The following SPTBN2 variants were observed in gnomAD, a reference collection of about 807,000 sequenced individuals.
SPTBN2 encodes spectrin beta, non-erythrocytic 2, also known as spectrin beta chain, non-erythrocytic 2.
A neutral mutation model predicts 284.2 loss-of-function variants in SPTBN2; 107 were observed. The ratio of observed to expected loss-of-function variants is 0.38; its 90% CI spans 0.32 to 0.44. The LOEUF (loss-of-function observed/expected upper bound fraction) is 0.44. SPTBN2 is among the 20% of genes least tolerant of loss of function. The probability of loss-of-function intolerance (pLI) is 1.00; values close to 1 mark genes in which losing one functional copy is unlikely to be tolerated. For missense variants in SPTBN2, 2,569 were observed against 3,287.1 expected, an observed-to-expected ratio of 0.78 and a Z score of 5.34; for synonymous variants, 1,289 against 1,354.8, an observed-to-expected ratio of 0.95 and a Z score of 1.07.
rs184043175 is a variant in SPTBN2 at position 66,707,464 on chromosome 11, G to A, written c.1653+52C>T. 9,069 of 1,547,748 alleles carry A rather than the reference G, an allele frequency of 5.9e-3. 34 individuals carry two copies. The highest frequency in any genetic ancestry group is 0.012 in the South Asian group (1,024 of 84,338). On this transcript the variant is annotated intron_variant, in intron 13 of 37. Transcript: ENST00000533211. This position sits in a 1 kb window ranked among gnomAD's most constrained non-coding sequence, Gnocchi z 4.9. ...GACGGGCGGACGCACCCACTGTGGG[G>A]CCCCCTCGACTCTTGATCACTCTTA...
Position 66,700,826 on chromosome 11 carries a change from T to C in SPTBN2, c.3273A>G (p.Glu1091=), listed in dbSNP as rs777987147. The change falls in exon 17 of 38, where the codon GAA becomes GAG. Residue 1091 remains glutamate, a synonymous_variant. Coordinates refer to ENST00000533211, the MANE Select transcript of SPTBN2 (RefSeq NM_006946.4). The surrounding 1 kb of genome is among the most constrained non-coding windows in gnomAD (Gnocchi z 6.6). The part of the protein sequence containing the change: ...LGRTQTAVAS[E]EGPATLPEAE... ...CCTCAGGCAGGGTGGCCGGCCCTTC[T>C]TCAGAGGCCACAGCAGTCTGAGTGC... 1 of 1,600,402 alleles carries C rather than the reference T, an allele frequency of 6.2e-7. No individual in the cohort carries two copies.
At chr11:66,698,072 G>A (rs1375695281) in intron 20 of SPTBN2, among the ~76,000 whole-genome samples, 1 of 152,162 alleles carries the variant, frequency 6.6e-6, no homozygotes, top group Admixed American at 6.5e-5. Flanking sequence ...GACTCTTGAG[G>A]AACAGCTGGG....
chr11:66,715,530 G>A lies in SPTBN2; in HGVS notation c.310-135C>T. ...ACAGACAGGCACAGCCCCAGGGCTG[G>A]AGCCAAAGCTGAGCTTACAGATGAG... is the stretch of plus-strand genomic sequence containing the variant. On this transcript the variant is annotated intron_variant, in intron 4 of 37. Transcript: ENST00000533211. This position sits in a 1 kb window ranked among gnomAD's most constrained non-coding sequence, Gnocchi z 5.3. 1.6e-6 allele frequency: 2 copies of A among 1,248,968 alleles called. No individual in the cohort carries two copies. The highest frequency in any genetic ancestry group is 2.2e-6 in the Non-Finnish European group (2 of 909,114). 77.4% of individuals were successfully genotyped at this position (1,248,968 alleles called of 1,614,324 possible). A position where few individuals can be genotyped will look rare whatever the true frequency, so the allele number is the denominator to read the frequency against.
intron 20 of SPTBN2, among the ~76,000 whole-genome samples, chr11:66,697,215 G>A (rs1315649473): frequency 6.6e-6 from 1 of 152,120 alleles, no homozygotes; most frequent in Non-Finnish European, 1.5e-5. Flanking sequence ...CATGACTTCT[G>A]TCCCTTCTCA....
rs923372041 is a variant in SPTBN2, at chr11:66,713,741, T to C, written c.662A>G (p.Asp221Gly). 1 of 1,613,380 alleles carries C rather than the reference T, an allele frequency of 6.2e-7. No homozygotes were observed. Among genetic ancestry groups the C allele is most frequent in the Non-Finnish European group, 8.5e-7 (1 of 1,179,398 alleles). ...CTTCAGAGACTCAAAATCCAGCAGG[T>C]CTGGCCTGGGTGGGGAGGCAAGACA... ...FNAIVHKHRP[D>G]LLDFESLKKC... The change falls in exon 8 of 38, where the codon GAC becomes GGC. Residue 221 changes from aspartate (D) to glycine (G), a missense_variant. Physicochemically the swap from Asp to Gly is moderately conservative, Grantham distance 94 (BLOSUM62 -1). This residue lies in a region of SPTBN2 where 304 missense variants were observed against 522.1 expected (regional missense o/e 0.58). Coordinates refer to ENST00000533211, the MANE Select transcript of SPTBN2 (RefSeq NM_006946.4).
At chr11:66,722,575 C>CAAAAAAAAAAAAAAAAAA (rs35183530) in intron 1 of SPTBN2, among the ~76,000 whole-genome samples, 1 of 50,984 alleles carries the variant, frequency 2.0e-5, no homozygotes, top group Non-Finnish European at 3.5e-5. Flanking sequence ...GACTCTGTCT[C>CAAAAAAAAAAAAAAAAAA]AAAAAAAAAA....
chr11:66,739,910 T>C (rs1219100194), intron 1 of SPTBN2, among the ~76,000 whole-genome samples: 2 of 152,124 alleles, frequency 1.3e-5, no homozygotes, highest in African/African-American at 4.8e-5. Flanking sequence ...TGCATGCCTG[T>C]AATCCCAGCT....
rs1474518395 is a variant in SPTBN2, at chr11:66,707,656, G to T, written c.1513C>A (p.Arg505=). ...RYHDIKRIAA[R]QHNVARLWDF... is the part of the protein sequence containing the mutation. Reference sequence around the variant, plus strand: ...CAGAGCCGTGCCACGTTGTGCTGCCGAGCGGCGATGCGCTTGATGTCGTGG... The same window carrying T: ...CAGAGCCGTGCCACGTTGTGCTGCCTAGCGGCGATGCGCTTGATGTCGTGG... Residue 505 remains arginine, a synonymous_variant, in exon 13 of 38, where the codon CGG becomes AGG. Transcript: ENST00000533211. This position sits in a 1 kb window ranked among gnomAD's most constrained non-coding sequence, Gnocchi z 4.9. The T allele has an allele frequency of 6.2e-7, 1 of 1,608,034 alleles. No homozygotes were observed. The highest frequency in any genetic ancestry group is 2.2e-5 in the East Asian group (1 of 44,876).
Position 66,693,802 on chromosome 11 carries a change from G to A in SPTBN2, c.4563C>T (p.Pro1521=), listed in dbSNP as rs769947859. ...TTTTCTTCATGAGAAGCTGGACGCT[G>A]GGCAGGTCCTTGCCATGCTCCATGG... is the stretch of plus-strand genomic sequence containing the variant. ...ASSMEHGKDL[P]SVQLLMKKNQ... is the part of the protein sequence containing the mutation. Residue 1521 remains proline (P), a synonymous_variant, in exon 23 of 38, where the codon CCC becomes CCT. Transcript: ENST00000533211. The surrounding 1 kb of genome is among the most constrained non-coding windows in gnomAD (Gnocchi z 5.7). 2 of 1,613,798 alleles carry A rather than the reference G, an allele frequency of 1.2e-6. No homozygotes were observed. The highest frequency in any genetic ancestry group is 2.2e-5 in the East Asian group (1 of 44,868).
chr11:66,728,684 C>T (rs907022037), intron 1 of SPTBN2, 57 bp downstream of exon 1: 1 of 152,340 alleles, frequency 6.6e-6, no homozygotes, highest in African/African-American at 2.4e-5. Context: ...CCTCGCTGGT[C>T]CCTGGGTCCC....
At chr11:66,689,258 G>T in intron 29 of SPTBN2, 78 bp from the exon 30 acceptor site, 2 of 1,439,712 alleles carry the variant, frequency 1.4e-6, no homozygotes, top group Admixed American at 2.1e-5. Flanking sequence ...TCATCCAGGG[G>T]GACAGGTGAT....
chr11:66,687,511 G>A lies in SPTBN2; in HGVS notation c.6638C>T (p.Pro2213Leu). ...CATCTGCTCCTGGGCAGATGGCTCT[G>A]GGCCTCGAGGCGGCAGGGTGGCAGC... Reference protein sequence around the residue: ...AHAATLPPRGPEPSAQEQMEG... With the variant: ...AHAATLPPRGLEPSAQEQMEG... Residue 2213 changes from proline to leucine, a missense_variant, in exon 35 of 38, where the codon CCA becomes CTA. By Grantham distance (98) the Pro-to-Leu change is moderately conservative (BLOSUM62 -3). This residue lies in a region of SPTBN2 where 1,130 missense variants were observed against 1,317.3 expected (regional missense o/e 0.86). Transcript: ENST00000533211. This position sits in a 1 kb window ranked among gnomAD's most constrained non-coding sequence, Gnocchi z 5.2. The A allele has an allele frequency of 6.2e-7, 1 of 1,611,952 alleles. No homozygotes were observed. Among genetic ancestry groups the A allele is most frequent in the Non-Finnish European group, 8.5e-7 (1 of 1,180,010 alleles).
intron 1 of SPTBN2, among the ~76,000 whole-genome samples, chr11:66,735,924 C>T (rs954831285): frequency 2.6e-5 from 4 of 152,072 alleles, no homozygotes; most frequent in Non-Finnish European, 5.9e-5. Context: ...TGTAAACAAG[C>T]ATGCTGCACA....
chr11:66,730,619 C>A (rs914878541), upstream of SPTBN2, among the ~76,000 whole-genome samples: 17 of 151,948 alleles, frequency 1.1e-4, no homozygotes, highest in Non-Finnish European at 2.4e-4. Flanking sequence ...AGCTGCCCTG[C>A]CAAAGGAACT....
chr11:66,710,380 G>A lies in SPTBN2; in HGVS notation c.1073+202C>T, dbSNP rs1164897888. 2.0e-5 allele frequency among the ~76,000 whole-genome samples: 3 copies of A among 148,558 alleles called. No homozygotes were observed. The highest frequency in any genetic ancestry group is 2.1e-4 in the South Asian group (1 of 4,750). On this transcript the variant is annotated intron_variant, in intron 10 of 37. Coordinates refer to ENST00000533211, the MANE Select transcript of SPTBN2 (RefSeq NM_006946.4). This position sits in a 1 kb window ranked among gnomAD's most constrained non-coding sequence, Gnocchi z 4.9. ...ATTACAGGCGTGAGCCACCATGCCC[G>A]GCCCACAGCATGATTTTTAAAAACG...
chr11:66,698,959 T>C (rs1276558333), intron 19 of SPTBN2, 33 bp downstream of exon 19: 1 of 1,612,100 alleles, frequency 6.2e-7, no homozygotes, highest in East Asian at 2.2e-5. Flanking sequence ...AAGGGATGGC[T>C]AGGGAATATC....
Position 66,696,501 on chromosome 11 carries a change from C to A in SPTBN2, c.4054G>T (p.Ala1352Ser), listed in dbSNP as rs750561783. The A allele has an allele frequency of 4.3e-6, 7 of 1,612,186 alleles. No homozygotes were observed. The highest frequency in any genetic ancestry group is 5.9e-6 in the Non-Finnish European group (7 of 1,180,038). ...TCTCTCAGCTTCTCCGACACCAGGG[C>A]TTTCAGCTCTGGCTTCTCAAGGGTG... ...ELTLEKPELKALVSEKLRDLH... is the reference protein window; with the variant it reads ...ELTLEKPELKSLVSEKLRDLH... The change falls in exon 21 of 38, where the codon GCC (alanine) becomes TCC (serine). Residue 1352 changes from alanine (A) to serine (S), a missense_variant. Physicochemically the swap from Ala to Ser is moderately conservative, Grantham distance 99. This residue lies in a region of SPTBN2 where 50 missense variants were observed against 48.1 expected (regional missense o/e 1.04). Coordinates refer to ENST00000533211, the MANE Select transcript of SPTBN2 (RefSeq NM_006946.4).
intron 3 of SPTBN2, among the ~76,000 whole-genome samples, chr11:66,716,785 T>G (rs1453529414): frequency 6.6e-6 from 1 of 152,204 alleles, no homozygotes; most frequent in Non-Finnish European, 1.5e-5. Flanking sequence ...AGTGGTGTGA[T>G]CTGGCCCGAA....
At chr11:66,744,591 A>T in exon 1 of SPTBN2, 1 of 220,304 alleles carries the variant, frequency 4.5e-6, no homozygotes, top group Non-Finnish European at 8.6e-6. Context: ...CGAACCTCCC[A>T]CCTGCGGGCC....
Sources: allele counts gnomAD v4.1 joint callset (sites outside exome capture counted in the v4.1 genomes callset), GRCh38; gene constraint gnomAD v4.1.1; regional missense constraint gnomAD v4.1.1; non-coding constraint Gnocchi (gnomAD v3.1); transcripts MANE v1.5; gene names NCBI Gene and HGNC (gene_info 2026-07-23, HGNC 2026-07-21).